The following RECQL5 variants were observed in gnomAD, a reference collection of about 807,000 sequenced individuals.
RECQL5 encodes the protein RecQ like helicase 5, also known as ATP-dependent DNA helicase Q5.
Under a neutral mutation model 103.4 loss-of-function variants are expected in RECQL5, and 88 were observed. That is an observed-to-expected ratio of 0.85 (90% CI 0.72 to 1.02). The LOEUF is 1.02. Among genes scored for constraint, RECQL5 ranks in the 50% least tolerant of loss-of-function variants. The pLI is 0.00. For missense variants in RECQL5, 1,232 were observed against 1,284.3 expected (o/e 0.96, Z 0.62); for synonymous variants, 552 against 507.9 (o/e 1.09, Z -1.17).
At chr17:75,634,449 A>G (rs2059281280) in intron 8 of RECQL5, among the ~76,000 whole-genome samples, 1 of 152,256 alleles carries the variant, frequency 6.6e-6, no homozygotes, top group Non-Finnish European at 1.5e-5. Context: ...CCTGCTGTGC[A>G]GCAGAGGGGC....
chr17:75,664,104 T>A (rs916614965), intron 3 of RECQL5, among the ~76,000 whole-genome samples: 23 of 151,236 alleles, frequency 1.5e-4, no homozygotes, highest in African/African-American at 5.6e-4. Context: ...TGTAAAGCAC[T>A]TAGCACGAAG....
At chr17:75,650,054 G>A in intron 8 of RECQL5, 1 of 985,616 alleles carries the variant, frequency 1.0e-6, no homozygotes, top group Non-Finnish European at 1.2e-6. Context: ...TCAGCAAACA[G>A]GACTCACAAT....
At chr17:75,657,317 C>T (rs912332469) in intron 7 of RECQL5, among the ~76,000 whole-genome samples, 3 of 151,632 alleles carry the variant, frequency 2.0e-5, no homozygotes, top group African/African-American at 7.3e-5. Context: ...CCCAGGAGTT[C>T]GAGGGTATAC....
At chr17:75,639,461 GT>G (rs2059391008) in intron 8 of RECQL5, 1 of 152,358 alleles carries the variant, frequency 6.6e-6, no homozygotes, top group African/African-American at 2.4e-5. Context: ...TGGGGCAGGG[GT>G]GGGAGTGGAG....
chr17:75,630,727 C>G (rs773349005), intron 12 of RECQL5, 35 bp from the exon 13 acceptor site: 2 of 1,606,218 alleles, frequency 1.2e-6, no homozygotes, highest in East Asian at 4.5e-5. Flanking sequence ...CGCATGGCCT[C>G]GCGGCTGGGG....
chr17:75,640,261 G>C lies in RECQL5; in HGVS notation c.1230-8593C>G. On this transcript the variant is annotated intron_variant, in intron 8 of 19. Coordinates refer to ENST00000317905, the MANE Select transcript of RECQL5 (RefSeq NM_004259.7). The surrounding 1 kb of genome is among the most constrained non-coding windows in gnomAD (Gnocchi z 4.6). ...CCGTGGGCGAGAGGCTGCTGCTCAA[G>C]CTGCAGAGACTGCCCCAGGCTGAGC... The C allele has an allele frequency of 6.4e-7, 1 of 1,551,526 alleles. No individual in the cohort carries two copies. The highest frequency in any genetic ancestry group is 8.7e-7 in the Non-Finnish European group (1 of 1,146,914).
chr17:75,650,743 C>A, intron 8 of RECQL5: 1 of 1,607,766 alleles, frequency 6.2e-7, no homozygotes, highest in South Asian at 1.1e-5. Context: ...AAAACAGATG[C>A]GTGAGTTCAA....
At chr17:75,631,049 C>T (rs999217361) in intron 10 of RECQL5, 39 bp from the exon 11 acceptor site, 2 of 1,611,888 alleles carry the variant, frequency 1.2e-6, no homozygotes, top group Admixed American at 1.7e-5. Flanking sequence ...GCGTCCTGCC[C>T]TGCCGCAGGA....
Position 75,664,062 on chromosome 17 carries a change from A to AAG in RECQL5, c.252+988_252+989insCT, listed in dbSNP as rs1480383447. ...AGAGCGAAACTCCATCTCAAAAAAA[A>AAG]AAAAAAAAAAAGAAAGAAAGAAATT... On this transcript the variant is annotated intron_variant, in intron 3 of 19. Coordinates refer to ENST00000317905, the MANE Select transcript of RECQL5 (RefSeq NM_004259.7). Among the ~76,000 whole-genome samples the AAG allele has an allele frequency of 3.4e-3, 504 of 148,770 alleles. 3 individuals are homozygous for AAG. The highest frequency in any genetic ancestry group is 0.011 in the African/African-American group (458 of 41,150).
Position 75,662,560 on chromosome 17 carries a change from T to C in RECQL5, c.690A>G (p.Gln230=), listed in dbSNP as rs770832924. 9 of 1,614,060 alleles carry C rather than the reference T, an allele frequency of 5.6e-6. No individual in the cohort carries two copies. In the African/African-American group the frequency reaches 6.7e-5, roughly 12 times the overall value. The stretch of plus-strand genomic sequence containing the variant: ...AGGGATCAGAAATCAGTTCCTTGAA[T>C]TGCACATCATAGAAGAGGTTGGCCC... ...CFRANLFYDV[Q]FKELISDPYG... is the part of the protein sequence containing the mutation. The change falls in exon 4 of 20, where the codon CAA becomes CAG. Residue 230 remains glutamine (Q), a synonymous_variant. Transcript: ENST00000317905.
At chr17:75,665,529 A>G (rs914265886) in intron 2 of RECQL5, among the ~76,000 whole-genome samples, 19 of 152,276 alleles carry the variant, frequency 1.2e-4, no homozygotes, top group African/African-American at 4.6e-4. Context: ...GTCTCTACTA[A>G]GAATACAAAA....
intron 7 of RECQL5, among the ~76,000 whole-genome samples, chr17:75,653,929 C>T (rs778208444): frequency 6.6e-6 from 1 of 151,566 alleles, no homozygotes; most frequent in African/African-American, 2.4e-5. Flanking sequence ...AAAAAAAAAC[C>T]CCAAAAAAAC....
At chr17:75,642,032 G>A (rs1011952977) in intron 8 of RECQL5, among the ~76,000 whole-genome samples, 28 of 152,156 alleles carry the variant, frequency 1.8e-4, no homozygotes, top group Admixed American at 1.6e-3. Context: ...ACCATGACCC[G>A]TTATTATTTG....
At chr17:75,634,309 C>G in intron 8 of RECQL5, 1 of 963,392 alleles carries the variant, frequency 1.0e-6, no homozygotes. Flanking sequence ...GAGAGGTCTT[C>G]GGGGACATGC....
intron 8 of RECQL5, among the ~76,000 whole-genome samples, chr17:75,632,156 T>C (rs1182658789): frequency 6.6e-6 from 1 of 152,248 alleles, no homozygotes; most frequent in Non-Finnish European, 1.5e-5. Flanking sequence ...ATGGAATGAC[T>C]GCACAGCCAA....
At chr17:75,639,391 A>G (rs577658931) in intron 8 of RECQL5, 7 of 152,352 alleles carry the variant, frequency 4.6e-5, no homozygotes, top group Admixed American at 1.3e-4. Flanking sequence ...CAGAAGGGGA[A>G]AGCCTTCTGG....
intron 7 of RECQL5, among the ~76,000 whole-genome samples, chr17:75,653,233 C>T (rs2059577234): frequency 6.6e-6 from 1 of 152,240 alleles, no homozygotes; most frequent in African/African-American, 2.4e-5. Flanking sequence ...GACCTCTGCA[C>T]CCTTATCCAA....
At chr17:75,660,660 T>G (rs1279219592) in intron 6 of RECQL5, among the ~76,000 whole-genome samples, 1 of 152,198 alleles carries the variant, frequency 6.6e-6, no homozygotes, top group East Asian at 1.9e-4. Context: ...TCCCACCTCC[T>G]CATAGGATCC....
chr17:75,632,362 A>G (rs1211413250), intron 8 of RECQL5, among the ~76,000 whole-genome samples: 5 of 152,072 alleles, frequency 3.3e-5, no homozygotes, highest in African/African-American at 9.7e-5. Context: ...GCCGCTTGAT[A>G]TTTTTTTCCT....
Sources: gnomAD v4.1 joint callset for allele counts (sites outside exome capture counted in the v4.1 genomes callset) on GRCh38, gnomAD v4.1.1 for gene constraint, Gnocchi (gnomAD v3.1) non-coding constraint, MANE v1.5 for transcripts, NCBI Gene and HGNC (gene_info 2026-07-23, HGNC 2026-07-21) for gene names.